The following ZNF429 variants were observed in gnomAD, a reference collection of about 807,000 sequenced individuals.
ZNF429 encodes the protein zinc finger protein 429.
ZNF429 carries 53 observed loss-of-function variants against 56.8 expected under a neutral mutation model. The ratio of observed to expected loss-of-function variants is 0.93; its 90% CI spans 0.75 to 1.17. The LOEUF is 1.17. Ranked by LOEUF, ZNF429 falls within the 50% of genes most tolerant of loss-of-function variation. The pLI is 0.00. For missense variants in ZNF429, 849 were observed against 788.4 expected (o/e 1.08, Z -0.92); for synonymous variants, 278 against 264.7 (o/e 1.05, Z -0.49).
At chr19:21,518,760 G>A (rs982899826) in intron 1 of ZNF429, 1 of 152,132 alleles carries the variant, frequency 6.6e-6, no homozygotes, top group African/African-American at 2.4e-5. Flanking sequence ...GGGTTTCACT[G>A]TGTTAGCCAG....
chr19:21,516,115 C>T (rs2032727939), intron 1 of ZNF429, among the ~76,000 whole-genome samples: 1 of 152,050 alleles, frequency 6.6e-6, no homozygotes, highest in Admixed American at 6.6e-5. Context: ...ATTCCCCAGG[C>T]TGGAGTGCAG....
intron 2 of ZNF429, among the ~76,000 whole-genome samples, chr19:21,530,208 AG>A: frequency 6.6e-6 from 1 of 151,344 alleles, no homozygotes; most frequent in African/African-American, 2.4e-5. Context: ...AAAAAAAAAA[AG>A]TTTGGGGATT....
At chr19:21,525,439 G>A (rs1485239794) in intron 1 of ZNF429, among the ~76,000 whole-genome samples, 2 of 151,808 alleles carry the variant, frequency 1.3e-5, no homozygotes, top group African/African-American at 4.9e-5. Flanking sequence ...ATTCTACACA[G>A]GGTCCACTCT....
In ZNF429 at chr19:21,536,449, A is replaced by C. The variant is rs557054437; in HGVS notation, c.396A>C (p.Gly132=). Residue 132 remains glycine (G), a synonymous_variant, in exon 4 of 4, where the codon GGA becomes GGC. Coordinates refer to ENST00000358491, the MANE Select transcript of ZNF429 (RefSeq NM_001001415.4). Reference sequence around the variant, plus strand: ...AGCTATACAAAGGAGGTTATAATGGACTTAACCAATGTTTGACACTTACCC... The same window carrying C: ...AGCTATACAAAGGAGGTTATAATGGCCTTAACCAATGTTTGACACTTACCC... ...DCKLYKGGYN[G]LNQCLTLTQS... The C allele has an allele frequency of 1.2e-6, 2 of 1,613,612 alleles. No individual in the cohort carries two copies. The highest frequency in any genetic ancestry group is 3.3e-5 in the Admixed American group (2 of 59,942).
chr19:21,510,589 A>AT (rs2032405398), intron 1 of ZNF429, among the ~76,000 whole-genome samples: 1 of 150,912 alleles, frequency 6.6e-6, no homozygotes, highest in African/African-American at 2.5e-5. Context: ...TTAATTTTTT[A>AT]ATTTTTTTTT....
In ZNF429 at chr19:21,539,984, T is replaced by C. The variant is rs530905256; in HGVS notation, c.*1906T>C. On this transcript the variant is annotated 3_prime_UTR_variant, in exon 4 of 4. Coordinates refer to ENST00000358491, the MANE Select transcript of ZNF429 (RefSeq NM_001001415.4). ...GGAGAGGCTCTTTGTGGTTAACTTATTGAGTGATGTATGAGGTCGATGTTC... is the reference window on the plus strand; with the variant it reads ...GGAGAGGCTCTTTGTGGTTAACTTACTGAGTGATGTATGAGGTCGATGTTC... Among the ~76,000 whole-genome samples the C allele has an allele frequency of 4.6e-5, 7 of 152,270 alleles. No homozygotes were observed. In the South Asian group the frequency reaches 1.0e-3, roughly 23 times the overall value.
At chr19:21,514,258 G>A (rs746192847) in intron 1 of ZNF429, among the ~76,000 whole-genome samples, 39 of 152,132 alleles carry the variant, frequency 2.6e-4, no homozygotes, top group Non-Finnish European at 4.0e-4. Flanking sequence ...TTGTGTCATG[G>A]AAGTTTAGTG....
At chr19:21,533,621 G>A in intron 3 of ZNF429, among the ~76,000 whole-genome samples, 72 of 148,770 alleles carry the variant, frequency 4.8e-4, no homozygotes, top group African/African-American at 1.7e-3. Context: ...TTTGTATATG[G>A]TTCAAGGAAA....
intron 1 of ZNF429, chr19:21,529,021 T>G (rs1327797685): frequency 1.3e-5 from 2 of 152,222 alleles, no homozygotes; most frequent in East Asian, 3.8e-4. Flanking sequence ...CTGCCCTTCT[T>G]CCTTAGGTTT....
intron 3 of ZNF429, among the ~76,000 whole-genome samples, chr19:21,532,048 G>A: frequency 0.81 from 122,587 of 152,040 alleles, 50,057 homozygotes; most frequent in African/African-American, 0.94. Context: ...TAGCATTAGA[G>A]TAATAAATTT....
At chr19:21,522,759 T>C (rs1319045915) in intron 1 of ZNF429, among the ~76,000 whole-genome samples, 1 of 152,078 alleles carries the variant, frequency 6.6e-6, no homozygotes, top group Non-Finnish European at 1.5e-5. Context: ...TAGCCGGGCA[T>C]GATGGCAGGT....
In ZNF429 at chr19:21,537,915, A is replaced by T. The variant is rs1386062529; in HGVS notation, c.1862A>T (p.Tyr621Phe). Reference sequence around the variant, plus strand: ...AAAATTCATACTAGAGAGAAACCTTACAAATGTGAAGAATGTGCCAAAGCT... The same window carrying T: ...AAAATTCATACTAGAGAGAAACCTTTCAAATGTGAAGAATGTGCCAAAGCT... ...HKKIHTREKP[Y>F]KCEECAKAFT... The change falls in exon 4 of 4, where the codon TAC (tyrosine) becomes TTC (phenylalanine). Residue 621 changes from tyrosine to phenylalanine, a missense_variant. Physicochemically the swap from Tyr to Phe is conservative, Grantham distance 22. Transcript: ENST00000358491. The T allele has an allele frequency of 4.3e-6, 7 of 1,613,918 alleles. No individual in the cohort carries two copies. Among genetic ancestry groups the T allele is most frequent in the South Asian group, 1.1e-5 (1 of 91,076 alleles).
intron 3 of ZNF429, among the ~76,000 whole-genome samples, chr19:21,532,947 G>A: frequency 3.3e-5 from 5 of 151,886 alleles, no homozygotes; most frequent in African/African-American, 7.3e-5. Context: ...TGCCTGCCTC[G>A]GCCTCTCAAA....
At chr19:21,521,092 C>A (rs1157056536) in intron 1 of ZNF429, among the ~76,000 whole-genome samples, 1 of 152,148 alleles carries the variant, frequency 6.6e-6, no homozygotes, top group Admixed American at 6.5e-5. Context: ...TATCTAACAT[C>A]AAAGGAAAAC....
In ZNF429 at chr19:21,517,628, G is replaced by T. The variant is rs142061181; in HGVS notation, c.3+11854G>T. Among the ~76,000 whole-genome samples the T allele has an allele frequency of 2.4e-4, 36 of 151,996 alleles. No homozygotes were observed. In the East Asian group the frequency reaches 7.0e-3, roughly 29 times the overall value. On this transcript the variant is annotated intron_variant, in intron 1 of 3. Transcript: ENST00000358491. ...TTAGAGCTTGTTATTGTTCTGTTCTGGGCTCCAGTTTCTTTCTGTTTGGTA... is the reference window on the plus strand; with the variant it reads ...TTAGAGCTTGTTATTGTTCTGTTCTTGGCTCCAGTTTCTTTCTGTTTGGTA...
Position 21,538,568 on chromosome 19 carries a change from C to T in ZNF429, c.*490C>T, listed in dbSNP as rs1267927831. 1.3e-5 allele frequency: 2 copies of T among 152,054 alleles called. No homozygotes were observed. Among genetic ancestry groups the T allele is most frequent in the African/African-American group, 4.8e-5 (2 of 41,376 alleles). The allele number at this position is 152,054 out of a possible 1,614,324, so 9.4% of individuals were successfully genotyped here. On this transcript the variant is annotated 3_prime_UTR_variant, in exon 4 of 4. Coordinates refer to ENST00000358491, the MANE Select transcript of ZNF429 (RefSeq NM_001001415.4). ...TGAGCTGAGATCACGCCACTACACT[C>T]CAGCCTGGATGACAAAACAAGACTC...
In ZNF429 at chr19:21,537,309, A is replaced by G. The variant is rs1008656197; in HGVS notation, c.1256A>G (p.His419Arg). 1 of 1,614,126 alleles carries G rather than the reference A, an allele frequency of 6.2e-7. No homozygotes were observed. Among genetic ancestry groups the G allele is most frequent in the Non-Finnish European group, 8.5e-7 (1 of 1,180,000 alleles). The change falls in exon 4 of 4, where the codon CAT (histidine) becomes CGT (arginine). Residue 419 changes from histidine to arginine, a missense_variant. Transcript: ENST00000358491. ...SSTLTQDKKIHTGEKPYNCEE... is the reference protein window; with the variant it reads ...SSTLTQDKKIRTGEKPYNCEE... The stretch of plus-strand genomic sequence containing the variant: ...ACACTTACTCAAGACAAGAAAATTC[A>G]TACTGGAGAGAAACCCTACAATTGT...
intron 3 of ZNF429, among the ~76,000 whole-genome samples, chr19:21,535,221 C>A: frequency 6.9e-6 from 1 of 145,790 alleles, no homozygotes; most frequent in African/African-American, 2.5e-5. Flanking sequence ...ACTGCAGTCA[C>A]TCCACTCCTG....
chr19:21,535,724 C>T, intron 3 of ZNF429, among the ~76,000 whole-genome samples: 1 of 151,770 alleles, frequency 6.6e-6, no homozygotes, highest in Non-Finnish European at 1.5e-5. Flanking sequence ...CCATGTTGGC[C>T]AGGCTGGTTT....
Sources: gnomAD v4.1 joint callset for allele counts (sites outside exome capture counted in the v4.1 genomes callset) on GRCh38, gnomAD v4.1.1 for gene constraint, MANE v1.5 for transcripts, NCBI Gene and HGNC (gene_info 2026-07-23, HGNC 2026-07-21) for gene names.